PCCB: variants seen among roughly 807,000 people sequenced by gnomAD.
The protein encoded by PCCB is propionyl-CoA carboxylase subunit beta.
Under a neutral mutation model 60.7 loss-of-function variants are expected in PCCB, and 43 were observed. The ratio of observed to expected loss-of-function variants is 0.71; its 90% confidence interval spans 0.55 to 0.91. The LOEUF is 0.91. Ranked by LOEUF, PCCB falls within the 40% of genes least tolerant of loss-of-function variation. PCCB has a pLI of 0.00. For synonymous variants in PCCB, 276 were observed against 255.9 expected (o/e 1.08, Z -0.75); for missense variants, 766 against 702.8 (o/e 1.09, Z -1.02).
chr3:136,294,196 T>C (rs1933833163), intron 7 of PCCB, among the ~76,000 whole-genome samples: 1 of 152,208 alleles, frequency 6.6e-6, no homozygotes, highest in Non-Finnish European at 1.5e-5. Flanking sequence ...TTTTATCTTA[T>C]TGTGACATTT....
At position 136,326,924 on chromosome 3, in the gene PCCB, A is replaced by T; in HGVS notation, c.1198+14A>T. The stretch of plus-strand genomic sequence containing the variant: ...GCTTTCTACCTGGTAAGTTTTTGAC[A>T]GAGTGGGGGCTAGGAGAGTTGCCTT... On this transcript the variant is annotated intron_variant, in intron 11 of 14. Coordinates refer to ENST00000251654, the MANE Select transcript of PCCB (RefSeq NM_000532.5). The T allele has an allele frequency of 1.3e-6, 2 of 1,522,936 alleles. No individual in the cohort carries two copies. Among genetic ancestry groups the T allele is most frequent in the Non-Finnish European group, 1.8e-6 (2 of 1,096,864 alleles). The allele number at this position is 1,522,936 out of a possible 1,614,324, so 94.3% of individuals were successfully genotyped here. A position where few individuals can be genotyped will look rare whatever the true frequency, so the allele number is the denominator to read the frequency against.
intron 5 of PCCB, among the ~76,000 whole-genome samples, chr3:136,283,052 A>G (rs1053149683): frequency 6.6e-6 from 1 of 152,226 alleles, no homozygotes; most frequent in East Asian, 1.9e-4. Flanking sequence ...TGCAGAAAGC[A>G]TAGATTACAT....
At chr3:136,323,282 A>AT (rs1935173810) in intron 10 of PCCB, among the ~76,000 whole-genome samples, 1 of 151,782 alleles carries the variant, frequency 6.6e-6, no homozygotes, top group Non-Finnish European at 1.5e-5. Context: ...TGCTCATTTA[A>AT]TTTTTTTATT....
chr3:136,268,715 C>T lies in PCCB; in HGVS notation c.543+6650C>T, dbSNP rs1379776008. On this transcript the variant is annotated intron_variant, in intron 5 of 14. Transcript: ENST00000251654. ...CTGATCTCAGGTGATCCACCCGCCT[C>T]GGCCTCTGAAAATGCTGGGATTACA... Among the ~76,000 whole-genome samples the T allele has an allele frequency of 5.9e-5, 9 of 151,956 alleles. No individual in the cohort carries two copies. The East Asian group carries it at 7.7e-4, about 13-fold the overall frequency.
intron 9 of PCCB, among the ~76,000 whole-genome samples, chr3:136,309,897 T>G (rs1446870018): frequency 6.6e-6 from 1 of 151,958 alleles, no homozygotes; most frequent in Non-Finnish European, 1.5e-5. Flanking sequence ...ATAGGAAGCT[T>G]AAATGAACCA....
rs941235597 is a variant in PCCB, at chr3:136,256,154, G to A, written c.303+179G>A. The A allele has an allele frequency of 1.6e-4, 149 of 904,646 alleles. 1 individual carries two copies. Among genetic ancestry groups the A allele is most frequent in the Middle Eastern group, 3.1e-4 (1 of 3,198 alleles). The allele number at this position is 904,646 out of a possible 1,614,324, so 56.0% of individuals were successfully genotyped here. On this transcript the variant is annotated intron_variant, in intron 2 of 14. Transcript: ENST00000251654. ...GATGGGCTTTCGCCATGTTGGTCAG[G>A]CTGGCCTTGAACTCCTGGCTTCAAG... is the stretch of plus-strand genomic sequence containing the variant.
chr3:136,284,363 A>G lies in PCCB; in HGVS notation c.654+416A>G, dbSNP rs186251375. On this transcript the variant is annotated intron_variant, in intron 6 of 14. Coordinates refer to ENST00000251654, the MANE Select transcript of PCCB (RefSeq NM_000532.5). ...TGCCATTTTATTACATTGTGTCCATAATGGTAAAGGATAAATCTGATCTCA... is the reference window on the plus strand; with the variant it reads ...TGCCATTTTATTACATTGTGTCCATGATGGTAAAGGATAAATCTGATCTCA... Among the ~76,000 whole-genome samples, 374 of 152,294 alleles carry G rather than the reference A, an allele frequency of 2.5e-3. 2 individuals are homozygous for G. Among genetic ancestry groups the G allele is most frequent in the Admixed American group, 0.011 (174 of 15,294 alleles).
intron 6 of PCCB, 89 bp downstream of exon 6, chr3:136,284,036 T>C: frequency 2.4e-6 from 2 of 829,404 alleles, no homozygotes; most frequent in Non-Finnish European, 2.1e-6. Flanking sequence ...CAGATCTAGG[T>C]TGTTACCTGC....
chr3:136,263,017 C>A (rs1378631844), intron 5 of PCCB, among the ~76,000 whole-genome samples: 1 of 149,312 alleles, frequency 6.7e-6, no homozygotes, highest in Non-Finnish European at 1.5e-5. Context: ...TGCAGTGGCC[C>A]GATCTCGGCT....
chr3:136,319,583 A>G (rs1576354903), intron 10 of PCCB, among the ~76,000 whole-genome samples: 1 of 152,102 alleles, frequency 6.6e-6, no homozygotes, highest in African/African-American at 2.4e-5. Context: ...TTTTTAGTAG[A>G]GACGGGGTTT....
intron 5 of PCCB, among the ~76,000 whole-genome samples, chr3:136,265,360 A>G (rs944875465): frequency 2.6e-5 from 4 of 152,220 alleles, no homozygotes; most frequent in Non-Finnish European, 5.9e-5. Flanking sequence ...GTTTGCAGTC[A>G]GTTCCCACCT....
intron 5 of PCCB, among the ~76,000 whole-genome samples, chr3:136,268,065 C>CGTGTGCGT (rs1553775676): frequency 1.3e-5 from 1 of 78,434 alleles, no homozygotes; most frequent in Non-Finnish European, 2.4e-5. Context: ...TGTGTGTGTG[C>CGTGTGCGT]GTGTGTGTGT....
At chr3:136,250,674 C>G (rs1243440545) in intron 1 of PCCB, 116 bp downstream of exon 1, 1 of 1,060,920 alleles carries the variant, frequency 9.4e-7, no homozygotes, top group Non-Finnish European at 1.4e-6. Context: ...CTGGAGGGGC[C>G]GGAGCAAGGG....
At chr3:136,257,457 T>C (rs1335734046) in intron 3 of PCCB, among the ~76,000 whole-genome samples, 3 of 152,232 alleles carry the variant, frequency 2.0e-5, no homozygotes, top group Non-Finnish European at 2.9e-5. Flanking sequence ...TTCTAAATTA[T>C]AGAACTATAA....
chr3:136,318,064 T>A (rs1934973301), intron 10 of PCCB, among the ~76,000 whole-genome samples: 1 of 152,190 alleles, frequency 6.6e-6, no homozygotes, highest in Non-Finnish European at 1.5e-5. Context: ...TTTGGCTGGG[T>A]GTGGTGCCTC....
intron 6 of PCCB, among the ~76,000 whole-genome samples, chr3:136,284,156 C>A (rs896235779): frequency 6.6e-6 from 1 of 152,170 alleles, no homozygotes; most frequent in African/African-American, 2.4e-5. Flanking sequence ...TTATGTACTT[C>A]ATTGGTGGGT....
chr3:136,287,470 C>G (rs112454623), intron 6 of PCCB, among the ~76,000 whole-genome samples: 1 of 151,422 alleles, frequency 6.6e-6, no homozygotes, highest in South Asian at 2.1e-4. Context: ...TTTGCTCTGT[C>G]ACCCAGGCTG....
At chr3:136,297,355 G>A (rs1933983355) in intron 7 of PCCB, among the ~76,000 whole-genome samples, 1 of 152,186 alleles carries the variant, frequency 6.6e-6, no homozygotes, top group Non-Finnish European at 1.5e-5. Flanking sequence ...AACCTGGGGA[G>A]AGAGTTCTTG....
intron 5 of PCCB, among the ~76,000 whole-genome samples, chr3:136,268,049 AGTGTGT>A (rs1181482923): frequency 2.4e-5 from 2 of 83,938 alleles, no homozygotes; most frequent in African/African-American, 4.3e-5. Flanking sequence ...AAACCTGGCT[AGTGTGT>A]GTGTGTGTGC....
Sources: allele counts gnomAD v4.1 joint callset (sites outside exome capture counted in the v4.1 genomes callset), GRCh38; gene constraint gnomAD v4.1.1; transcripts MANE v1.5; gene names NCBI Gene and HGNC (gene_info 2026-07-23, HGNC 2026-07-21).